Variants in ADAMTSL1 observed in about 807,000 individuals in gnomAD.
The protein encoded by ADAMTSL1 is ADAMTS like 1.
A neutral mutation model predicts 201.8 loss-of-function variants in ADAMTSL1; 126 were observed. The observed-to-expected ratio is 0.62, with a 90% CI of 0.54 to 0.72. The LOEUF is 0.72. Ranked by LOEUF, ADAMTSL1 falls within the 30% of genes least tolerant of loss-of-function variation. The pLI, the probability that ADAMTSL1 is intolerant of heterozygous loss-of-function variation, is 0.00. For synonymous variants in ADAMTSL1, 1,121 were observed against 903.4 expected, an observed-to-expected ratio of 1.24 and a Z score of -4.32; for missense variants, 2,679 against 2,277.8, an observed-to-expected ratio of 1.18 and a Z score of -3.59.
chr9:17,922,402 A>G (rs1398679270), intron 1 of ADAMTSL1, among the ~76,000 whole-genome samples: 1 of 152,182 alleles, frequency 6.6e-6, no homozygotes, highest in Non-Finnish European at 1.5e-5. Context: ...ACTGAAGAAT[A>G]GATCTGTGCA....
chr9:18,086,071 T>C (rs1428527361), intron 1 of ADAMTSL1, among the ~76,000 whole-genome samples: 1 of 152,136 alleles, frequency 6.6e-6, no homozygotes, highest in African/African-American at 2.4e-5. Flanking sequence ...GGGCTGGCAC[T>C]GACATTTACC....
intron 2 of ADAMTSL1, among the ~76,000 whole-genome samples, chr9:18,308,911 A>G (rs547915896): frequency 3.2e-4 from 49 of 152,342 alleles, no homozygotes; most frequent in Non-Finnish European, 4.3e-4. Context: ...AATATCCTTG[A>G]TGAACATTGA....
At chr9:18,136,183 G>C (rs1014073423) in intron 1 of ADAMTSL1, among the ~76,000 whole-genome samples, 9 of 152,164 alleles carry the variant, frequency 5.9e-5, no homozygotes, top group Admixed American at 4.6e-4. Context: ...CTGCACATCA[G>C]AATCATTTGG....
At chr9:17,995,227 G>C (rs1431747337) in intron 1 of ADAMTSL1, among the ~76,000 whole-genome samples, 2 of 152,102 alleles carry the variant, frequency 1.3e-5, no homozygotes, top group African/African-American at 2.4e-5. Context: ...TCTTCCTGAA[G>C]GGCAGAGAAA....
Position 18,795,464 on chromosome 9 carries a change from A to C in ADAMTSL1, c.3745A>C (p.Thr1249Pro), listed in dbSNP as rs758075223. ...APVEADVGFY[T>P]CNATNALGYD... is the part of the protein sequence containing the mutation. ...AGTGGAAGCAGATGTGGGTTTCTAC[A>C]CTTGCAATGCCACCAATGCCTTGGG... Residue 1249 changes from threonine to proline, a missense_variant, in exon 20 of 29, where the codon ACT becomes CCT. By Grantham distance (38) the Thr-to-Pro change is conservative (BLOSUM62 -1). Transcript: ENST00000380548. 1 of 1,613,758 alleles carries C rather than the reference A, an allele frequency of 6.2e-7. No individual in the cohort carries two copies. Among genetic ancestry groups the C allele is most frequent in the African/African-American group, 1.3e-5 (1 of 74,902 alleles).
intron 1 of ADAMTSL1, among the ~76,000 whole-genome samples, chr9:18,015,011 G>A (rs550339786): frequency 6.6e-6 from 1 of 152,158 alleles, no homozygotes; most frequent in South Asian, 2.1e-4. Flanking sequence ...ATAAATAATA[G>A]CAATCATAGC....
chr9:18,906,511 T>C (rs1248990679), intron 27 of ADAMTSL1, among the ~76,000 whole-genome samples, 181 bp from the exon 28 acceptor site: 1 of 152,184 alleles, frequency 6.6e-6, no homozygotes, highest in African/African-American at 2.4e-5. Flanking sequence ...TAAGAGGAAA[T>C]AGTCTTCTTG....
At chr9:18,806,850 A>G (rs1451225280) in intron 20 of ADAMTSL1, among the ~76,000 whole-genome samples, 1 of 152,178 alleles carries the variant, frequency 6.6e-6, no homozygotes, top group African/African-American at 2.4e-5. Context: ...AAGGCATCAC[A>G]AGGCCATGCT....
At chr9:18,557,281 G>A (rs527714296) in intron 3 of ADAMTSL1, among the ~76,000 whole-genome samples, 1 of 152,054 alleles carries the variant, frequency 6.6e-6, no homozygotes, top group Non-Finnish European at 1.5e-5. Context: ...TGGGTGAGAG[G>A]AGACTCTTTT....
chr9:18,285,778 T>C (rs1382738922), intron 2 of ADAMTSL1, among the ~76,000 whole-genome samples: 16 of 152,160 alleles, frequency 1.1e-4, no homozygotes, highest in Admixed American at 1.0e-3. Context: ...TGCTTATGGC[T>C]TCTCCAATAT....
intron 1 of ADAMTSL1, among the ~76,000 whole-genome samples, chr9:18,489,858 T>TG (rs1822181897): frequency 6.6e-6 from 1 of 152,152 alleles, no homozygotes; most frequent in South Asian, 2.1e-4. Flanking sequence ...GAGGAAATGA[T>TG]GGTAACCTGG....
chr9:18,046,346 A>T (rs1821658193), intron 1 of ADAMTSL1, among the ~76,000 whole-genome samples: 1 of 152,180 alleles, frequency 6.6e-6, no homozygotes, highest in South Asian at 2.1e-4. Flanking sequence ...GCTTTCATCT[A>T]GCTGTTCAAG....
chr9:18,184,473 C>T (rs1828643903), intron 2 of ADAMTSL1, among the ~76,000 whole-genome samples: 1 of 151,896 alleles, frequency 6.6e-6, no homozygotes, highest in Admixed American at 6.6e-5. Context: ...AGTTAAATAC[C>T]TAAGAGGATA....
chr9:18,029,461 C>G (rs534951075), intron 1 of ADAMTSL1, among the ~76,000 whole-genome samples: 1 of 152,256 alleles, frequency 6.6e-6, no homozygotes, highest in East Asian at 1.9e-4. Flanking sequence ...AAAACCTAGG[C>G]AATACCATTC....
intron 2 of ADAMTSL1, among the ~76,000 whole-genome samples, chr9:18,389,378 T>A (rs1257470748): frequency 6.6e-6 from 1 of 152,134 alleles, no homozygotes; most frequent in Non-Finnish European, 1.5e-5. Context: ...AATCAAAAAA[T>A]TTGCACTGAT....
chr9:18,906,091 G>C (rs1830295687), intron 27 of ADAMTSL1, among the ~76,000 whole-genome samples, 200 bp downstream of exon 27: 1 of 152,170 alleles, frequency 6.6e-6, no homozygotes, highest in Non-Finnish European at 1.5e-5. Context: ...TAATGGGCTA[G>C]GCTGGGCTTT....
intron 2 of ADAMTSL1, among the ~76,000 whole-genome samples, chr9:18,183,420 G>A (rs200498806): frequency 6.6e-6 from 1 of 152,158 alleles, no homozygotes; most frequent in Non-Finnish European, 1.5e-5. Context: ...AAAAGATAAT[G>A]TCAAGATAAC....
At chr9:17,939,617 A>G (rs1017837012) in intron 1 of ADAMTSL1, among the ~76,000 whole-genome samples, 1 of 152,108 alleles carries the variant, frequency 6.6e-6, no homozygotes, top group Non-Finnish European at 1.5e-5. Context: ...TATAATGACT[A>G]TATGAATCTT....
intron 2 of ADAMTSL1, among the ~76,000 whole-genome samples, chr9:18,318,825 ATAT>A (rs1834509468): frequency 6.6e-6 from 1 of 152,170 alleles, no homozygotes. Context: ...TATTTAAAGG[ATAT>A]TATATGCCAA....
Sources: allele counts gnomAD v4.1 joint callset (sites outside exome capture counted in the v4.1 genomes callset), GRCh38; gene constraint gnomAD v4.1.1; transcripts MANE v1.5; gene names NCBI Gene and HGNC (gene_info 2026-07-23, HGNC 2026-07-21).